The following SH3GL3 variants were observed in gnomAD, a reference collection of about 807,000 sequenced individuals.
The protein encoded by SH3GL3 is endophilin-A3.
In SH3GL3, 33 loss-of-function variants were observed where a neutral mutation model predicts 47.7. That is an observed-to-expected ratio of 0.69 (90% CI 0.52 to 0.92). The LOEUF is 0.92. Among genes scored for constraint, SH3GL3 ranks in the 40% least tolerant of loss-of-function variants. SH3GL3 has a pLI of 0.00. For missense variants in SH3GL3, 363 were observed against 417.8 expected (o/e 0.87, Z 1.14); for synonymous variants, 155 against 148.8 (o/e 1.04, Z -0.30).
At chr15:83,463,915 T>C (rs2040438492) in intron 1 of SH3GL3, among the ~76,000 whole-genome samples, 1 of 151,834 alleles carries the variant, frequency 6.6e-6, no homozygotes, top group Non-Finnish European at 1.5e-5. Flanking sequence ...ACTACAGTTG[T>C]GCGCCACTGG....
intron 2 of SH3GL3, 112 bp from the exon 3 acceptor site, chr15:83,565,022 C>T: frequency 1.9e-6 from 1 of 534,338 alleles, no homozygotes; most frequent in Non-Finnish European, 3.3e-6. Flanking sequence ...GGATTAAAAT[C>T]ATCATAATCG....
chr15:83,608,234 G>A (rs1484353626), intron 8 of SH3GL3, among the ~76,000 whole-genome samples: 1 of 152,130 alleles, frequency 6.6e-6, no homozygotes, highest in Non-Finnish European at 1.5e-5. Flanking sequence ...TTTCTAGAAA[G>A]ACAGCAGTTC....
chr15:83,489,858 G>C (rs1019483425), intron 1 of SH3GL3, among the ~76,000 whole-genome samples: 26 of 108,972 alleles, frequency 2.4e-4, no homozygotes, highest in African/African-American at 8.9e-4. Flanking sequence ...TAGATAGATA[G>C]ATAGATAGAT....
At position 83,579,614 on chromosome 15, in the gene SH3GL3, GATA is replaced by G. The variant is rs1319435838; in HGVS notation, c.624+2876_624+2878del. 4.6e-5 allele frequency among the ~76,000 whole-genome samples: 7 copies of G among 152,282 alleles called. No individual in the cohort carries two copies. In the East Asian group the frequency reaches 9.7e-4, roughly 21 times the overall value. On this transcript the variant is annotated intron_variant, in intron 6 of 8. Coordinates refer to ENST00000427482, the MANE Select transcript of SH3GL3 (RefSeq NM_003027.5). Reference sequence around the variant, plus strand: ...TCGTGATAATGATAAAGACAGTGGTGATAATGATGATGACAATGACAAGAGCTA... The same window carrying G: ...TCGTGATAATGATAAAGACAGTGGTGATGATGATGACAATGACAAGAGCTA...
intron 1 of SH3GL3, among the ~76,000 whole-genome samples, chr15:83,552,462 C>T (rs565151124): frequency 1.1e-4 from 17 of 151,970 alleles, no homozygotes; most frequent in Admixed American, 2.0e-4. Context: ...TTGTTGGTTC[C>T]TAACTTAATT....
At chr15:83,482,154 C>A (rs2041385594) in intron 1 of SH3GL3, among the ~76,000 whole-genome samples, 1 of 152,070 alleles carries the variant, frequency 6.6e-6, no homozygotes, top group Non-Finnish European at 1.5e-5. Context: ...ATTTGCATTT[C>A]TTTTGTGAAT....
chr15:83,625,131 C>CG, the SH3GL3 span, among the ~76,000 whole-genome samples: 9 of 152,038 alleles, frequency 5.9e-5, no homozygotes, highest in African/African-American at 1.7e-4. Flanking sequence ...TGGTGGCACA[C>CG]GCCTGTACTC....
chr15:83,467,573 T>A (rs2040623865), intron 1 of SH3GL3, among the ~76,000 whole-genome samples: 1 of 152,252 alleles, frequency 6.6e-6, no homozygotes, highest in Non-Finnish European at 1.5e-5. Context: ...AAAATCTTGC[T>A]GGAGTTTTGA....
chr15:83,580,061 C>T (rs2076604716), intron 6 of SH3GL3, among the ~76,000 whole-genome samples: 1 of 152,208 alleles, frequency 6.6e-6, no homozygotes, highest in South Asian at 2.1e-4. Context: ...ACCCTTGGCC[C>T]TGTGTTTGGC....
At chr15:83,559,499 G>A (rs2045143327) in intron 2 of SH3GL3, among the ~76,000 whole-genome samples, 178 bp downstream of exon 2, 1 of 152,160 alleles carries the variant, frequency 6.6e-6, no homozygotes, top group African/African-American at 2.4e-5. Context: ...TCCTCCCCCT[G>A]TAGCCACATG....
At chr15:83,566,647 G>A (rs72760376) in intron 3 of SH3GL3, among the ~76,000 whole-genome samples, 19,050 of 152,150 alleles carry the variant, frequency 0.13, 1,561 homozygotes, top group South Asian at 0.18. Flanking sequence ...GTGGTAACAC[G>A]TCTGTAGTCC....
intron 6 of SH3GL3, among the ~76,000 whole-genome samples, chr15:83,580,925 C>T (rs957783000): frequency 6.6e-6 from 1 of 152,200 alleles, no homozygotes; most frequent in Admixed American, 6.5e-5. Context: ...TAGAAGCATT[C>T]GCTCCAAAGA....
intron 1 of SH3GL3, among the ~76,000 whole-genome samples, chr15:83,480,073 T>G (rs560038636): frequency 6.6e-6 from 1 of 152,334 alleles, no homozygotes; most frequent in East Asian, 1.9e-4. Context: ...TGACATAAGA[T>G]GAAGATTTTT....
Position 83,570,991 on chromosome 15 carries a change from C to T in SH3GL3, c.332-1574C>T, listed in dbSNP as rs117078529. ...GGTAGCTTCCCAGGTGCTCGGCAAC[C>T]GAAAAAAACTTGGGATGAGGAAGAG... On this transcript the variant is annotated intron_variant, in intron 4 of 8. Transcript: ENST00000427482. 4.2e-4 allele frequency among the ~76,000 whole-genome samples: 64 copies of T among 152,144 alleles called. No individual in the cohort carries two copies. In the East Asian group the frequency reaches 8.5e-3, roughly 20 times the overall value.
chr15:83,595,029 C>T (rs375907846), intron 8 of SH3GL3, among the ~76,000 whole-genome samples: 19 of 152,178 alleles, frequency 1.2e-4, no homozygotes, highest in Admixed American at 2.6e-4. Flanking sequence ...ATAAATCATT[C>T]TACCATAAAG....
chr15:83,629,150 G>A, the SH3GL3 span, among the ~76,000 whole-genome samples: 71 of 152,278 alleles, frequency 4.7e-4, 2 homozygotes, highest in East Asian at 0.013. Flanking sequence ...ATCCATTCGT[G>A]CTAAATTGAT....
chr15:83,609,412 C>T, intron 8 of SH3GL3: 1 of 440,846 alleles, frequency 2.3e-6, no homozygotes, highest in Admixed American at 2.5e-5. Context: ...AACAAAAACA[C>T]TCAAAAGACA....
At chr15:83,599,634 A>G (rs1299304255) in intron 8 of SH3GL3, among the ~76,000 whole-genome samples, 1 of 152,120 alleles carries the variant, frequency 6.6e-6, no homozygotes, top group East Asian at 1.9e-4. Flanking sequence ...TGCAATTGCA[A>G]ATTTTGCTGC....
At chr15:83,489,599 G>A (rs895407905) in intron 1 of SH3GL3, among the ~76,000 whole-genome samples, 1 of 152,194 alleles carries the variant, frequency 6.6e-6, no homozygotes, top group Non-Finnish European at 1.5e-5. Context: ...GTATTAAATA[G>A]TCCAGTGTCC....
Sources: allele counts gnomAD v4.1 joint callset (sites outside exome capture counted in the v4.1 genomes callset), GRCh38; gene constraint gnomAD v4.1.1; transcripts MANE v1.5; gene names NCBI Gene and HGNC (gene_info 2026-07-23, HGNC 2026-07-21).